The following GRID2 variants were observed in gnomAD, a reference collection of about 807,000 sequenced individuals.
GRID2 encodes the protein glutamate receptor ionotropic, delta-2.
A neutral mutation model predicts 114.8 loss-of-function variants in GRID2; 33 were observed. The observed-to-expected ratio is 0.29, with a 90% CI of 0.22 to 0.38. GRID2 has a LOEUF of 0.38. Ranked by LOEUF, GRID2 falls within the 10% of genes least tolerant of loss-of-function variation. The pLI is 1.00. For synonymous variants in GRID2, 505 were observed against 449.9 expected (o/e 1.12, Z -1.55); for missense variants, 1,184 against 1,257.7 (o/e 0.94, Z 0.89).
intron 4 of GRID2, among the ~76,000 whole-genome samples, chr4:93,121,851 A>C (rs1733809100): frequency 6.6e-6 from 1 of 152,180 alleles, no homozygotes; most frequent in African/African-American, 2.4e-5. Context: ...GACATATATT[A>C]GATTCAGATT....
At chr4:93,058,875 TA>T in intron 2 of GRID2, among the ~76,000 whole-genome samples, 1 of 152,140 alleles carries the variant, frequency 6.6e-6, no homozygotes, top group Middle Eastern at 3.4e-3. Flanking sequence ...TATATTAAAA[TA>T]ACTGCATTAT....
chr4:93,399,461 C>T (rs1765671094), intron 9 of GRID2, among the ~76,000 whole-genome samples: 1 of 152,066 alleles, frequency 6.6e-6, no homozygotes, highest in Non-Finnish European at 1.5e-5. Flanking sequence ...GTGGTGCTCT[C>T]AAACATTTCA....
At chr4:93,303,258 G>A (rs897185221) in intron 8 of GRID2, among the ~76,000 whole-genome samples, 1 of 152,044 alleles carries the variant, frequency 6.6e-6, no homozygotes, top group African/African-American at 2.4e-5. Context: ...ATTTGGGCAG[G>A]GACATAAATC....
intron 2 of GRID2, among the ~76,000 whole-genome samples, chr4:92,692,265 T>A (rs1244090576): frequency 6.6e-6 from 1 of 152,186 alleles, no homozygotes; most frequent in East Asian, 1.9e-4. Flanking sequence ...GGCTTTGGAA[T>A]ATTTCTGCTA....
intron 1 of GRID2, among the ~76,000 whole-genome samples, chr4:92,417,241 T>C (rs1377469882): frequency 2.0e-5 from 3 of 152,178 alleles, no homozygotes; most frequent in African/African-American, 7.2e-5. Flanking sequence ...CATTTCAGAT[T>C]TGACTTTTAA....
At chr4:92,844,215 G>A (rs1254708331) in intron 2 of GRID2, among the ~76,000 whole-genome samples, 3 of 151,884 alleles carry the variant, frequency 2.0e-5, no homozygotes, top group Non-Finnish European at 2.9e-5. Context: ...CTCAAATCTA[G>A]ATTACTAGTT....
At chr4:93,224,546 AT>A (rs1356258202) in intron 6 of GRID2, 67 bp from the exon 7 acceptor site, 41 of 1,011,304 alleles carry the variant, frequency 4.1e-5, no homozygotes, top group East Asian at 7.3e-5. Flanking sequence ...TGAGACAATT[AT>A]TTTTTTTCCT....
At chr4:93,683,366 C>T (rs1354782513) in intron 14 of GRID2, among the ~76,000 whole-genome samples, 1 of 152,020 alleles carries the variant, frequency 6.6e-6, no homozygotes, top group East Asian at 1.9e-4. Flanking sequence ...CAGTTTCAGT[C>T]TTTGACTGGA....
intron 2 of GRID2, among the ~76,000 whole-genome samples, chr4:92,740,294 T>G (rs1261373620): frequency 6.6e-6 from 1 of 152,190 alleles, no homozygotes; most frequent in Non-Finnish European, 1.5e-5. Flanking sequence ...AGAAATGTGT[T>G]AATTACACAG....
intron 1 of GRID2, among the ~76,000 whole-genome samples, chr4:93,806,480 G>A (rs1450829595): frequency 1.3e-5 from 2 of 152,182 alleles, no homozygotes; most frequent in Non-Finnish European, 2.9e-5. Context: ...CTTGAAACAG[G>A]TTCTATTGAA....
intron 1 of GRID2, among the ~76,000 whole-genome samples, chr4:92,485,339 TATATATATAGTG>T (rs1722821980): frequency 1.2e-5 from 1 of 85,082 alleles, no homozygotes; most frequent in African/African-American, 4.3e-5. Flanking sequence ...TATATATATA[TATATATATAGTG>T]TGTGTGTGTG....
chr4:93,455,545 A>T (rs1723099265), intron 10 of GRID2, 117 bp from the exon 11 acceptor site: 1 of 647,288 alleles, frequency 1.5e-6, no homozygotes, highest in African/African-American at 1.8e-5. Context: ...CAGTTTATAT[A>T]AAAAGATTTA....
At chr4:93,106,764 A>G (rs1374770512) in intron 3 of GRID2, among the ~76,000 whole-genome samples, 1 of 152,100 alleles carries the variant, frequency 6.6e-6, no homozygotes, top group African/African-American at 2.4e-5. Context: ...TTTATGCTTA[A>G]CTCCTGCATT....
intron 2 of GRID2, among the ~76,000 whole-genome samples, chr4:92,956,531 C>G (rs952067353): frequency 3.3e-5 from 5 of 152,130 alleles, no homozygotes; most frequent in African/African-American, 1.2e-4. Context: ...AAATAATATT[C>G]CACTCTCTAG....
intron 13 of GRID2, among the ~76,000 whole-genome samples, chr4:93,599,954 A>G (rs904129349): frequency 6.6e-6 from 1 of 152,228 alleles, no homozygotes; most frequent in African/African-American, 2.4e-5. Context: ...ACTGCCCTTA[A>G]ATTCTTGGAT....
At chr4:93,169,684 A>G (rs935762638) in intron 4 of GRID2, among the ~76,000 whole-genome samples, 1 of 152,208 alleles carries the variant, frequency 6.6e-6, no homozygotes, top group Non-Finnish European at 1.5e-5. Context: ...TGTATAAAAC[A>G]TTTTATACAC....
Position 93,703,804 on chromosome 4 carries a change from G to A in GRID2, c.2361-65406G>A, listed in dbSNP as rs530162271. ...AATGATGGTTTCCACCTTCATCCAT[G>A]TCCCTACAAAGGACATGAGCTCATC... On this transcript the variant is annotated intron_variant, in intron 14 of 15. Transcript: ENST00000282020. Among the ~76,000 whole-genome samples, 30 of 152,030 alleles carry A rather than the reference G, an allele frequency of 2.0e-4. 1 individual carries two copies. In the East Asian group the frequency reaches 5.8e-3, roughly 30 times the overall value.
intron 13 of GRID2, among the ~76,000 whole-genome samples, chr4:93,531,625 ATTAAG>A (rs1474494044): frequency 6.6e-6 from 1 of 152,112 alleles, no homozygotes; most frequent in Non-Finnish European, 1.5e-5. Context: ...TAAATATTAT[ATTAAG>A]TTGATAATAG....
chr4:93,217,251 A>C (rs1744329523), intron 6 of GRID2: 1 of 165,642 alleles, frequency 6.0e-6, no homozygotes, highest in Admixed American at 5.9e-5. Context: ...AATGTGCTTG[A>C]CTTTTCTGGC....
Sources: allele counts gnomAD v4.1 joint callset (sites outside exome capture counted in the v4.1 genomes callset), GRCh38; gene constraint gnomAD v4.1.1; transcripts MANE v1.5; gene names NCBI Gene and HGNC (gene_info 2026-07-23, HGNC 2026-07-21).